The following CHRM3 variants were observed in gnomAD, a reference collection of about 807,000 sequenced individuals.
CHRM3 encodes muscarinic acetylcholine receptor M3.
CHRM3 carries 11 observed loss-of-function variants against 41.8 expected under a neutral mutation model. That is an observed-to-expected ratio of 0.26 (90% confidence interval 0.17 to 0.44). The LOEUF (loss-of-function observed/expected upper bound fraction) is 0.44, where lower values mean the gene tolerates loss of function less well. Ranked by LOEUF, CHRM3 falls within the 20% of genes least tolerant of loss-of-function variation. The pLI, the probability that CHRM3 is intolerant of heterozygous loss-of-function variation, is 1.00. For missense variants in CHRM3, 571 were observed against 745.4 expected (o/e 0.77, Z 2.72); for synonymous variants, 297 against 301.4 (o/e 0.99, Z 0.15).
chr1:239,585,050 TAA>T (rs1047960507), intron 3 of CHRM3, among the ~76,000 whole-genome samples: 14 of 104,166 alleles, frequency 1.3e-4, no homozygotes, highest in African/African-American at 2.4e-4. Context: ...GAGCAACAAT[TAA>T]ATATATATAT....
chr1:239,735,584 A>T (rs1022405170), intron 5 of CHRM3, among the ~76,000 whole-genome samples: 1 of 152,196 alleles, frequency 6.6e-6, no homozygotes, highest in Non-Finnish European at 1.5e-5. Flanking sequence ...ATGAATAAAA[A>T]CAACAAATAA....
intron 1 of CHRM3, among the ~76,000 whole-genome samples, chr1:239,451,373 T>C (rs1178960061): frequency 2.0e-5 from 3 of 152,216 alleles, no homozygotes; most frequent in Admixed American, 2.0e-4. Flanking sequence ...AATTAGTATT[T>C]AGGCAAGAAG....
chr1:239,823,759 G>C (rs894991838), intron 5 of CHRM3, among the ~76,000 whole-genome samples: 1 of 152,034 alleles, frequency 6.6e-6, no homozygotes, highest in Admixed American at 6.5e-5. Context: ...CAATAGAACA[G>C]AAGACCCTTT....
intron 3 of CHRM3, among the ~76,000 whole-genome samples, chr1:239,584,726 T>A (rs189879972): frequency 2.6e-5 from 4 of 152,230 alleles, no homozygotes; most frequent in Admixed American, 1.3e-4. Flanking sequence ...AGAGTCCAGA[T>A]TTAGCCCCCA....
intron 3 of CHRM3, among the ~76,000 whole-genome samples, chr1:239,586,699 A>C (rs1406315164): frequency 1.3e-5 from 2 of 152,072 alleles, no homozygotes; most frequent in African/African-American, 4.8e-5. Context: ...GGAAATTATA[A>C]TTTTGACACT....
chr1:239,650,918 T>G (rs922070789), intron 4 of CHRM3, among the ~76,000 whole-genome samples: 1 of 152,196 alleles, frequency 6.6e-6, no homozygotes, highest in African/African-American at 2.4e-5. Context: ...TAAATATGTG[T>G]AAATTTATGC....
At chr1:239,416,795 T>A (rs1191143301) in intron 1 of CHRM3, among the ~76,000 whole-genome samples, 1 of 152,130 alleles carries the variant, frequency 6.6e-6, no homozygotes, top group Admixed American at 6.5e-5. Context: ...TGCCAGCCAG[T>A]AAGCTACCTC....
intron 5 of CHRM3, among the ~76,000 whole-genome samples, chr1:239,819,771 A>G (rs1462017624): frequency 6.6e-6 from 1 of 152,188 alleles, no homozygotes; most frequent in Non-Finnish European, 1.5e-5. Flanking sequence ...ATTTGTAGTG[A>G]GGCTTGAAGC....
intron 1 of CHRM3, among the ~76,000 whole-genome samples, chr1:239,441,257 G>T (rs1302669524): frequency 6.6e-6 from 1 of 152,148 alleles, no homozygotes; most frequent in African/African-American, 2.4e-5. Flanking sequence ...TTAACCAAAA[G>T]TGAGACAAAA....
intron 1 of CHRM3, among the ~76,000 whole-genome samples, chr1:239,434,746 G>T (rs1026662156): frequency 6.6e-6 from 1 of 152,078 alleles, no homozygotes; most frequent in Non-Finnish European, 1.5e-5. Flanking sequence ...TAATTGCTTG[G>T]TGTTGAAAGA....
chr1:239,906,787 T>C (rs1177717036), intron 6 of CHRM3, among the ~76,000 whole-genome samples: 1 of 152,228 alleles, frequency 6.6e-6, no homozygotes, highest in Non-Finnish European at 1.5e-5. Flanking sequence ...AAAGTTCATC[T>C]GCATGTTATC....
intron 4 of CHRM3, among the ~76,000 whole-genome samples, chr1:239,643,173 C>T (rs1407299526): frequency 6.6e-6 from 1 of 152,146 alleles, no homozygotes; most frequent in East Asian, 1.9e-4. Context: ...CAGTCTGCCC[C>T]TACTGGGGGG....
intron 1 of CHRM3, among the ~76,000 whole-genome samples, chr1:239,444,938 C>T (rs912143675): frequency 1.3e-5 from 2 of 152,112 alleles, no homozygotes; most frequent in East Asian, 3.9e-4. Context: ...TCACTGAGGT[C>T]TCTGGCAGTA....
chr1:239,825,813 C>G (rs1278753101), intron 5 of CHRM3, among the ~76,000 whole-genome samples: 1 of 152,080 alleles, frequency 6.6e-6, no homozygotes, highest in East Asian at 1.9e-4. Context: ...CTCCTGGGCT[C>G]AAGTGATCCT....
chr1:239,666,665 T>C (rs890361289), intron 4 of CHRM3, among the ~76,000 whole-genome samples: 2 of 152,064 alleles, frequency 1.3e-5, no homozygotes, highest in Admixed American at 1.3e-4. Flanking sequence ...AGACACTCTC[T>C]CTCTCTTTTA....
chr1:239,714,631 G>A (rs1334881379), intron 5 of CHRM3, among the ~76,000 whole-genome samples: 1 of 152,156 alleles, frequency 6.6e-6, no homozygotes, highest in Non-Finnish European at 1.5e-5. Flanking sequence ...GGAAAATGAG[G>A]CTGCAGAAGT....
intron 1 of CHRM3, among the ~76,000 whole-genome samples, chr1:239,442,202 G>C (rs897947908): frequency 2.6e-5 from 4 of 151,956 alleles, no homozygotes; most frequent in African/African-American, 9.7e-5. Flanking sequence ...TGCTTCCTGG[G>C]TTCAAGCAAT....
chr1:239,660,676 A>G (rs1329740435), intron 4 of CHRM3, among the ~76,000 whole-genome samples: 1 of 152,142 alleles, frequency 6.6e-6, no homozygotes, highest in Non-Finnish European at 1.5e-5. Context: ...TGAGGCCAGG[A>G]GTTGGAGACC....
At position 239,648,453 on chromosome 1, in the gene CHRM3, A is replaced by T. The variant is rs1671935478; in HGVS notation, c.-250+16167A>T. Among the ~76,000 whole-genome samples the T allele has an allele frequency of 3.3e-5, 5 of 152,180 alleles. No individual in the cohort carries two copies. In the South Asian group the frequency reaches 1.0e-3, roughly 32 times the overall value. ...TCTGTAGGTGGTTTTGAGAGGAAGTATAACAAGAGAGTGTGGACAACACAA... is the reference window on the plus strand; with the variant it reads ...TCTGTAGGTGGTTTTGAGAGGAAGTTTAACAAGAGAGTGTGGACAACACAA... On this transcript the variant is annotated intron_variant, in intron 4 of 6. Coordinates refer to ENST00000676153, the MANE Select transcript of CHRM3 (RefSeq NM_001375978.1).
Sources: gnomAD v4.1 joint callset for allele counts (sites outside exome capture counted in the v4.1 genomes callset) on GRCh38, gnomAD v4.1.1 for gene constraint, MANE v1.5 for transcripts, NCBI Gene and HGNC (gene_info 2026-07-23, HGNC 2026-07-21) for gene names.